Variants in COL25A1 observed in about 807,000 individuals in gnomAD.
COL25A1 encodes collagen alpha-1(XXV) chain.
COL25A1 carries 103 observed loss-of-function variants against 128.4 expected under a neutral mutation model. The observed-to-expected ratio is 0.80, with a 90% confidence interval of 0.68 to 0.94. COL25A1 has a LOEUF of 0.94. Among genes scored for constraint, COL25A1 ranks in the 40% least tolerant of loss-of-function variants. The pLI, the probability that COL25A1 is intolerant of heterozygous loss-of-function variation, is 0.00. For missense variants in COL25A1, 745 were observed against 840.0 expected, an observed-to-expected ratio of 0.89 and a Z score of 1.40; for synonymous variants, 279 against 277.2, an observed-to-expected ratio of 1.01 and a Z score of -0.06.
At chr4:109,250,872 T>G (rs1780598059) in intron 3 of COL25A1, among the ~76,000 whole-genome samples, 1 of 152,216 alleles carries the variant, frequency 6.6e-6, no homozygotes, top group African/African-American at 2.4e-5. Flanking sequence ...ATATACTTCC[T>G]CTTAAACCAT....
chr4:109,245,847 G>A (rs370372649), intron 3 of COL25A1, among the ~76,000 whole-genome samples: 2 of 152,028 alleles, frequency 1.3e-5, no homozygotes, highest in South Asian at 4.1e-4. Context: ...TTAAAGACAG[G>A]CAAGTTCACA....
At chr4:109,191,020 T>C (rs1191065752) in intron 3 of COL25A1, among the ~76,000 whole-genome samples, 1 of 152,188 alleles carries the variant, frequency 6.6e-6, no homozygotes, top group Non-Finnish European at 1.5e-5. Flanking sequence ...TCTATAGTCA[T>C]GTTACTTTTA....
At chr4:109,150,322 G>A (rs1046724196) in intron 3 of COL25A1, among the ~76,000 whole-genome samples, 1 of 152,068 alleles carries the variant, frequency 6.6e-6, no homozygotes, top group Non-Finnish European at 1.5e-5. Flanking sequence ...TTCTAAGGTC[G>A]TTGGCAGTTC....
intron 5 of COL25A1, among the ~76,000 whole-genome samples, chr4:109,019,443 C>A (rs2126061710): frequency 7.0e-6 from 1 of 143,328 alleles, no homozygotes; most frequent in Non-Finnish European, 1.5e-5. Context: ...CCCAACATAC[C>A]AAGACTGGGT....
At chr4:109,287,234 A>G (rs1216378273) in intron 3 of COL25A1, among the ~76,000 whole-genome samples, 1 of 152,222 alleles carries the variant, frequency 6.6e-6, no homozygotes, top group South Asian at 2.1e-4. Flanking sequence ...TGCAGTCTTC[A>G]GTCTGCTTAT....
At chr4:108,973,307 G>A (rs1451927788) in intron 8 of COL25A1, among the ~76,000 whole-genome samples, 1 of 152,188 alleles carries the variant, frequency 6.6e-6, no homozygotes, top group Non-Finnish European at 1.5e-5. Context: ...ACTGCCACGA[G>A]AAACAAAATG....
At chr4:108,931,078 G>A (rs1746679559) in intron 11 of COL25A1, among the ~76,000 whole-genome samples, 1 of 152,118 alleles carries the variant, frequency 6.6e-6, no homozygotes, top group African/African-American at 2.4e-5. Context: ...ACAGTTACAA[G>A]AAGTGACAAC....
At chr4:109,035,017 G>T (rs905881596) in intron 5 of COL25A1, among the ~76,000 whole-genome samples, 10 of 152,134 alleles carry the variant, frequency 6.6e-5, no homozygotes, top group Non-Finnish European at 1.3e-4. Context: ...AAGTTTGAAG[G>T]CTTGTAATGT....
At chr4:109,083,604 A>G (rs113769874) in intron 3 of COL25A1, among the ~76,000 whole-genome samples, 12,864 of 151,680 alleles carry the variant, frequency 0.085, 608 homozygotes, top group South Asian at 0.1. Flanking sequence ...CTGGGACTGC[A>G]GGCACCCGCT....
intron 17 of COL25A1, 40 bp downstream of exon 17, chr4:108,889,661 G>A: frequency 6.3e-7 from 1 of 1,589,910 alleles, no homozygotes; most frequent in South Asian, 1.1e-5. Flanking sequence ...AATCAGAACT[G>A]TAACTCCTGG....
chr4:108,833,807 A>T (rs1733450257), intron 31 of COL25A1, among the ~76,000 whole-genome samples: 1 of 152,204 alleles, frequency 6.6e-6, no homozygotes, highest in Admixed American at 6.5e-5. Context: ...GAGTATCTGT[A>T]GCTGAAATTT....
intron 11 of COL25A1, 29 bp downstream of exon 11, chr4:108,937,779 T>A (rs772507256): frequency 1.3e-6 from 2 of 1,580,534 alleles, no homozygotes; most frequent in Admixed American, 3.5e-5. Flanking sequence ...CCAGGCTTAG[T>A]ATAGAAAAAG....
At chr4:109,019,498 G>C (rs1294538846) in intron 5 of COL25A1, among the ~76,000 whole-genome samples, 1 of 151,578 alleles carries the variant, frequency 6.6e-6, no homozygotes, top group Non-Finnish European at 1.5e-5. Flanking sequence ...GTTCCACATA[G>C]CTGGGGAGGC....
At chr4:109,088,413 T>C (rs1327851092) in intron 3 of COL25A1, among the ~76,000 whole-genome samples, 1 of 152,248 alleles carries the variant, frequency 6.6e-6, no homozygotes, top group Non-Finnish European at 1.5e-5. Flanking sequence ...AATTTTATTT[T>C]TAATTGTAAA....
intron 11 of COL25A1, among the ~76,000 whole-genome samples, chr4:108,936,934 C>A (rs1028636786): frequency 2.6e-5 from 4 of 151,728 alleles, no homozygotes; most frequent in Admixed American, 6.6e-5. Context: ...TATGAACCCC[C>A]GTGCCCAGCC....
At chr4:109,013,015 A>C (rs3108321) in intron 5 of COL25A1, among the ~76,000 whole-genome samples, 2 of 152,032 alleles carry the variant, frequency 1.3e-5, no homozygotes. Context: ...TGTCTAGCTC[A>C]GGGTTCGTGG....
chr4:108,850,007 T>C (rs988865309), intron 26 of COL25A1, among the ~76,000 whole-genome samples: 1 of 152,126 alleles, frequency 6.6e-6, no homozygotes, highest in Admixed American at 6.6e-5. Flanking sequence ...CAAATTTTAT[T>C]TTGCCACAAA....
chr4:109,038,599 T>G (rs1258579152), intron 5 of COL25A1, among the ~76,000 whole-genome samples: 1 of 152,198 alleles, frequency 6.6e-6, no homozygotes, highest in Non-Finnish European at 1.5e-5. Flanking sequence ...TGCATTCGAA[T>G]CATGCCAGCA....
intron 5 of COL25A1, chr4:109,021,710 T>A: frequency 2.2e-6 from 1 of 453,222 alleles, no homozygotes; most frequent in Admixed American, 2.4e-5. Context: ...AGAAGAGATA[T>A]CACCAAATTC....
Sources: allele counts gnomAD v4.1 joint callset (sites outside exome capture counted in the v4.1 genomes callset), GRCh38; gene constraint gnomAD v4.1.1; transcripts MANE v1.5; gene names NCBI Gene and HGNC (gene_info 2026-07-23, HGNC 2026-07-21).